FBH1: variants seen among roughly 807,000 people sequenced by gnomAD.
FBH1 encodes F-box DNA helicase 1, also known as DNA 3'-5' helicase 1.
A neutral mutation model predicts 115.5 loss-of-function variants in FBH1; 43 were observed. That is an observed-to-expected ratio of 0.37 (90% CI 0.29 to 0.48). The LOEUF (loss-of-function observed/expected upper bound fraction) is 0.48, where lower values mean the gene tolerates loss of function less well. FBH1 is among the 20% of genes least tolerant of loss of function. FBH1 has a pLI of 0.99. For missense variants in FBH1, 1,001 were observed against 1,337.3 expected (o/e 0.75, Z 3.92); for synonymous variants, 524 against 507.8 (o/e 1.03, Z -0.43).
intron 1 of FBH1, among the ~76,000 whole-genome samples, chr10:5,901,474 A>T (rs558657174): frequency 6.6e-6 from 1 of 151,912 alleles, no homozygotes; most frequent in African/African-American, 2.4e-5. Flanking sequence ...AGTGTTTTTT[A>T]GGATCTGTGA....
rs1833271655 is a variant in FBH1, at chr10:5,935,454, G to A, written c.2830-1002G>A. On this transcript the variant is annotated intron_variant, in intron 19 of 20. Coordinates refer to ENST00000362091, the MANE Select transcript of FBH1 (RefSeq NM_178150.3). This position sits in a 1 kb window ranked among gnomAD's most constrained non-coding sequence, Gnocchi z 5.2. ...TAAACGAGAAGCTATTTCACCGTGG[G>A]TTGGAGGGACCTCGCCAGGTTCATG... 1.3e-5 allele frequency: 2 copies of A among 152,220 alleles called. No individual in the cohort carries two copies. The highest frequency in any genetic ancestry group is 4.8e-5 in the African/African-American group (2 of 41,450). 9.4% of individuals were successfully genotyped at this position (152,220 alleles called of 1,614,324 possible). A position where few individuals can be genotyped will look rare whatever the true frequency, so the allele number is the denominator to read the frequency against.
In FBH1 at chr10:5,906,380, G is replaced by C; in HGVS notation, c.501G>C (p.Glu167Asp). 1 of 1,614,144 alleles carries C rather than the reference G, an allele frequency of 6.2e-7. No homozygotes were observed. Among genetic ancestry groups the C allele is most frequent in the Non-Finnish European group, 8.5e-7 (1 of 1,179,954 alleles). Residue 167 changes from glutamate to aspartate, a missense_variant, in exon 3 of 21, where the codon GAG becomes GAC. By Grantham distance (45) the Glu-to-Asp change is conservative. This residue lies in a region of FBH1 where 420 missense variants were observed against 430.4 expected (regional missense o/e 0.98). Transcript: ENST00000362091. This position sits in a 1 kb window ranked among gnomAD's most constrained non-coding sequence, Gnocchi z 7.3. ...TRPREARQEA[E>D]DSTSRLSAES... ...CTAGGGAGGCCAGGCAAGAAGCAGA[G>C]GACAGTACGTCTCGGCTCTCTGCGG... is the stretch of plus-strand genomic sequence containing the variant.
At chr10:5,899,109 G>A (rs1564432173) in intron 1 of FBH1, among the ~76,000 whole-genome samples, 1 of 152,150 alleles carries the variant, frequency 6.6e-6, no homozygotes. Flanking sequence ...AATGTAGAAG[G>A]CCATCATAGA....
chr10:5,906,226 C>G lies in FBH1; in HGVS notation c.347C>G (p.Ser116Cys), dbSNP rs1434505092. The G allele has an allele frequency of 1.9e-6, 3 of 1,614,244 alleles. No homozygotes were observed. The highest frequency in any genetic ancestry group is 2.5e-6 in the Non-Finnish European group (3 of 1,180,044). Residue 116 changes from serine (S) to cysteine (C), a missense_variant, in exon 3 of 21, where the codon TCT (serine) becomes TGT (cysteine). Ser to Cys is a moderately radical substitution (Grantham distance 112, BLOSUM62 -1). Transcript: ENST00000362091. The surrounding 1 kb of genome is among the most constrained non-coding windows in gnomAD (Gnocchi z 7.3). Reference sequence around the variant, plus strand: ...AGTGCAGGGCCGGGCTCACCAGGGTCTGCCCCGCCCTCCAGGAAGCGGTCT... The same window carrying G: ...AGTGCAGGGCCGGGCTCACCAGGGTGTGCCCCGCCCTCCAGGAAGCGGTCT... ...EGSAGPGSPG[S>C]APPSRKRSWS... is the part of the protein sequence containing the mutation.
chr10:5,937,008 C>T (rs1833400871), intron 20 of FBH1, 102 bp from the exon 21 acceptor site: 19 of 1,307,148 alleles, frequency 1.5e-5, no homozygotes, highest in Middle Eastern at 2.2e-4. Flanking sequence ...AATCCAAATG[C>T]GTTGTCCCTG....
intron 9 of FBH1, 142 bp from the exon 10 acceptor site, chr10:5,916,092 C>A (rs1264556158): frequency 2.8e-6 from 2 of 726,838 alleles, no homozygotes; most frequent in Admixed American, 2.7e-5. Context: ...CCATGCAGAA[C>A]TTTTTCGCTT....
In FBH1 at chr10:5,925,455, C is replaced by T. The variant is rs1564459516; in HGVS notation, c.2685C>T (p.Ala895=). ...VLDDFVKVPC[A]RHNLPQLPHF... ...ATGATTTTGTGAAAGTGCCTTGTGC[C>T]CGGCATAACCTGCCCCAGCTTCCGC... is the stretch of plus-strand genomic sequence containing the variant. Residue 895 remains alanine (A), a synonymous_variant, in exon 18 of 21, where the codon GCC becomes GCT. Coordinates refer to ENST00000362091, the MANE Select transcript of FBH1 (RefSeq NM_178150.3). This position sits in a 1 kb window ranked among gnomAD's most constrained non-coding sequence, Gnocchi z 4.6. 1.2e-6 allele frequency: 2 copies of T among 1,614,138 alleles called. No individual in the cohort carries two copies. The highest frequency in any genetic ancestry group is 2.2e-5 in the East Asian group (1 of 44,888).
rs1347307775 is a variant in FBH1, at chr10:5,935,157, ACTG to A, written c.2830-1297_2830-1295del. 1 of 152,342 alleles carries A rather than the reference ACTG, an allele frequency of 6.6e-6. No individual in the cohort carries two copies. Among genetic ancestry groups the A allele is most frequent in the South Asian group, 2.1e-4 (1 of 4,826 alleles). 9.4% of individuals were successfully genotyped at this position (152,342 alleles called of 1,614,324 possible). A position where few individuals can be genotyped will look rare whatever the true frequency, so the allele number is the denominator to read the frequency against. Reference sequence around the variant, plus strand: ...GCGTATGTATAGCATTATAATGGTAACTGCGTCAAAAACGGCTTGAGAGCCTAG... The same window carrying A: ...GCGTATGTATAGCATTATAATGGTAACGTCAAAAACGGCTTGAGAGCCTAG... On this transcript the variant is annotated intron_variant, in intron 19 of 20. Transcript: ENST00000362091. The surrounding 1 kb of genome is among the most constrained non-coding windows in gnomAD (Gnocchi z 5.2).
At chr10:5,928,901 G>C (rs1162666579) in intron 19 of FBH1, among the ~76,000 whole-genome samples, 2 of 152,164 alleles carry the variant, frequency 1.3e-5, no homozygotes, top group African/African-American at 2.4e-5. Context: ...AACAAAGATT[G>C]TGTGTAGCAG....
Position 5,915,901 on chromosome 10 carries a change from T to C in FBH1, c.1565+330T>C. The C allele has an allele frequency of 2.2e-6, 1 of 462,210 alleles. No individual in the cohort carries two copies. Among genetic ancestry groups the C allele is most frequent in the South Asian group, 2.5e-5 (1 of 39,344 alleles). 28.6% of individuals were successfully genotyped at this position (462,210 alleles called of 1,614,324 possible). A position where few individuals can be genotyped will look rare whatever the true frequency, so the allele number is the denominator to read the frequency against. On this transcript the variant is annotated intron_variant, in intron 9 of 20. Transcript: ENST00000362091. The surrounding 1 kb of genome is among the most constrained non-coding windows in gnomAD (Gnocchi z 5.2). ...TTTCTTGGAAGGGAGTGAGGAAGAC[T>C]CAGCCGAGGCACACTTGACCCAGGT...
chr10:5,906,024 G>A lies in FBH1; in HGVS notation c.158-13G>A, dbSNP rs770064032. On this transcript the variant is annotated splice_polypyrimidine_tract_variant and intron_variant, in intron 2 of 20. Coordinates refer to ENST00000362091, the MANE Select transcript of FBH1 (RefSeq NM_178150.3). The surrounding 1 kb of genome is among the most constrained non-coding windows in gnomAD (Gnocchi z 7.3). ...TTCATTTCTTGTCCATCCTGTTTGG[G>A]TTCTCTCTACAGGTCAGGGAAGTCA... is the stretch of plus-strand genomic sequence containing the variant. The A allele has an allele frequency of 3.8e-6, 6 of 1,584,908 alleles. No individual in the cohort carries two copies. The South Asian group carries it at 5.6e-5, about 15-fold the overall frequency.
Position 5,895,507 on chromosome 10 carries a change from T to C in FBH1, c.1+5161T>C, listed in dbSNP as rs993067355. 6.6e-6 allele frequency among the ~76,000 whole-genome samples: 1 copy of C among 152,276 alleles called. No homozygotes were observed. The highest frequency in any genetic ancestry group is 1.9e-4 in the East Asian group (1 of 5,190). On this transcript the variant is annotated intron_variant, in intron 1 of 20. Coordinates refer to ENST00000362091, the MANE Select transcript of FBH1 (RefSeq NM_178150.3). The surrounding 1 kb of genome is among the most constrained non-coding windows in gnomAD (Gnocchi z 5.0). ...TAGAGGAAGAAAGGAAATTATTTGG[T>C]ATCCATTTCAAATGATCCTGAATGG...
At chr10:5,898,250 G>A (rs966968736) in intron 1 of FBH1, among the ~76,000 whole-genome samples, 4 of 152,168 alleles carry the variant, frequency 2.6e-5, no homozygotes, top group African/African-American at 9.7e-5. Context: ...AGCAGATTTG[G>A]TGTCTGGTGA....
chr10:5,921,566 TG>T lies in FBH1; in HGVS notation c.2322+1del. 6.3e-7 allele frequency: 1 copy of T among 1,594,594 alleles called. No homozygotes were observed. Among genetic ancestry groups the T allele is most frequent in the Non-Finnish European group, 8.5e-7 (1 of 1,175,550 alleles). ...GEFPSRIHLIGGIKSFGLDRI... is the reference protein window; with the variant it reads ...GEFPSRIHLIXGIKSFGLDRI... ...AATTCCCTTCAAGGATACATTTGAT[TG>T]GGGTAAGAGTACATTTCTGTTGACC... On this transcript the variant is annotated frameshift_variant and splice_region_variant, in exon 15 of 21. Coordinates refer to ENST00000362091, the MANE Select transcript of FBH1 (RefSeq NM_178150.3). LOFTEE classifies it high-confidence loss of function. This position sits in a 1 kb window ranked among gnomAD's most constrained non-coding sequence, Gnocchi z 6.4.
chr10:5,891,770 C>T (rs1241994072), intron 1 of FBH1, among the ~76,000 whole-genome samples: 3 of 152,082 alleles, frequency 2.0e-5, no homozygotes, highest in Non-Finnish European at 2.9e-5. Context: ...CCACCATGCT[C>T]GGCTAATTTT....
In FBH1 at chr10:5,923,834, G is replaced by A. The variant is rs1365928557; in HGVS notation, c.2398+138G>A. 14 of 762,698 alleles carry A rather than the reference G, an allele frequency of 1.8e-5. No individual in the cohort carries two copies. The highest frequency in any genetic ancestry group is 1.4e-4 in the Admixed American group (5 of 35,128). The allele number at this position is 762,698 out of a possible 1,614,324, so 47.2% of individuals were successfully genotyped here. A position where few individuals can be genotyped will look rare whatever the true frequency, so the allele number is the denominator to read the frequency against. ...GCTAGTGTTGCTGTCTTCCCATGAC[G>A]AGGGGGGTGCCTCGGGCCTCCTGTT... On this transcript the variant is annotated intron_variant, in intron 16 of 20. Coordinates refer to ENST00000362091, the MANE Select transcript of FBH1 (RefSeq NM_178150.3). This position sits in a 1 kb window ranked among gnomAD's most constrained non-coding sequence, Gnocchi z 5.7.
At chr10:5,894,636 A>G in intron 1 of FBH1, 3 of 717,476 alleles carry the variant, frequency 4.2e-6, no homozygotes, top group Non-Finnish European at 7.8e-6. Flanking sequence ...GAGAGTTGAG[A>G]GCTTCAAAGC....
intron 1 of FBH1, among the ~76,000 whole-genome samples, chr10:5,891,570 T>G (rs1479989187): frequency 6.6e-6 from 1 of 152,208 alleles, no homozygotes; most frequent in Non-Finnish European, 1.5e-5. Context: ...TTCCCTGTTT[T>G]TTAAACATAA....
chr10:5,890,091 T>C (rs1208113951), upstream of FBH1: 1 of 313,902 alleles, frequency 3.2e-6, no homozygotes, highest in Non-Finnish European at 5.8e-6. Context: ...GCATTTCGAT[T>C]GGCGTTAGTG....
Sources: gnomAD v4.1 joint callset for allele counts (sites outside exome capture counted in the v4.1 genomes callset) on GRCh38, gnomAD v4.1.1 for gene constraint, gnomAD v4.1.1 regional missense constraint, Gnocchi (gnomAD v3.1) non-coding constraint, MANE v1.5 for transcripts, NCBI Gene and HGNC (gene_info 2026-07-23, HGNC 2026-07-21) for gene names.